The following ARB2A variants were observed in gnomAD, a reference collection of about 807,000 sequenced individuals.
The protein encoded by ARB2A is cotranscriptional regulator ARB2A.
At chr5:93,762,901 A>T in the ARB2A span, among the ~76,000 whole-genome samples, 1 of 152,248 alleles carries the variant, frequency 6.6e-6, no homozygotes, top group African/African-American at 2.4e-5. Context: ...AATATTCAAC[A>T]TTCTTAAAGA....
chr5:93,811,480 T>C, the ARB2A span, among the ~76,000 whole-genome samples: 3 of 152,220 alleles, frequency 2.0e-5, no homozygotes, highest in African/African-American at 7.2e-5. Context: ...TAAATCATCA[T>C]ATAACTCAAC....
chr5:93,968,424 G>C, the ARB2A span, among the ~76,000 whole-genome samples: 1 of 152,104 alleles, frequency 6.6e-6, no homozygotes, highest in Non-Finnish European at 1.5e-5. Context: ...CAAAAATGAA[G>C]ACTGGGTTTA....
At chr5:93,824,895 C>T in the ARB2A span, among the ~76,000 whole-genome samples, 2 of 152,166 alleles carry the variant, frequency 1.3e-5, no homozygotes, top group African/African-American at 4.8e-5. Flanking sequence ...GTTCTTTGGC[C>T]CTCTAGAAAG....
chr5:94,022,547 TACCTGGTAATAGAC>T, the ARB2A span, among the ~76,000 whole-genome samples: 6 of 152,186 alleles, frequency 3.9e-5, no homozygotes, highest in Non-Finnish European at 8.8e-5. Context: ...GGGCTTTGCA[TACCTGGTAATAGAC>T]ACCAATACTC....
chr5:93,918,585 C>A, the ARB2A span, among the ~76,000 whole-genome samples: 441 of 151,910 alleles, frequency 2.9e-3, 3 homozygotes, highest in African/African-American at 9.9e-3. Flanking sequence ...TCATGCCCAG[C>A]TAATTTTTGT....
the ARB2A span, among the ~76,000 whole-genome samples, chr5:93,808,778 ATAAC>A: frequency 2.0e-5 from 3 of 152,106 alleles, no homozygotes; most frequent in East Asian, 1.9e-4. Flanking sequence ...GGAATAATAA[ATAAC>A]TGAGTGTAAA....
chr5:93,847,745 T>C, the ARB2A span, among the ~76,000 whole-genome samples: 14 of 152,332 alleles, frequency 9.2e-5, no homozygotes, highest in Admixed American at 3.9e-4. Context: ...ACTACTACTA[T>C]GGTTCCCATT....
At chr5:94,099,641 A>C in the ARB2A span, among the ~76,000 whole-genome samples, 4 of 150,610 alleles carry the variant, frequency 2.7e-5, no homozygotes, top group Non-Finnish European at 4.4e-5. Flanking sequence ...AAAAAAAAAA[A>C]AAAAAAAAAA....
the ARB2A span, among the ~76,000 whole-genome samples, chr5:93,838,610 T>A: frequency 6.6e-6 from 1 of 152,180 alleles, no homozygotes; most frequent in African/African-American, 2.4e-5. Context: ...AGGAACAGCA[T>A]TGAATCTGTA....
the ARB2A span, among the ~76,000 whole-genome samples, chr5:93,747,760 C>CA: frequency 6.6e-6 from 1 of 152,136 alleles, no homozygotes; most frequent in Non-Finnish European, 1.5e-5. Context: ...CAGAAAACAT[C>CA]AGGCAGATGA....
At chr5:93,769,657 C>A in the ARB2A span, among the ~76,000 whole-genome samples, 4 of 152,140 alleles carry the variant, frequency 2.6e-5, no homozygotes, top group South Asian at 4.1e-4. Context: ...AAAGGAAGAA[C>A]CTTTTCACTA....
the ARB2A span, among the ~76,000 whole-genome samples, chr5:93,719,596 C>A: frequency 6.6e-6 from 1 of 152,206 alleles, no homozygotes; most frequent in Non-Finnish European, 1.5e-5. Context: ...ATCTTCCATG[C>A]ACTTTTTCAC....
chr5:93,735,348 G>A, the ARB2A span: 1 of 152,228 alleles, frequency 6.6e-6, no homozygotes, highest in Non-Finnish European at 1.5e-5. Flanking sequence ...GACACATAGA[G>A]GCTTTGCCTA....
the ARB2A span, chr5:93,824,357 C>A: frequency 3.7e-6 from 3 of 810,848 alleles, no homozygotes; most frequent in Non-Finnish European, 3.6e-6. Context: ...GCATACACAG[C>A]ATATGAAATA....
the ARB2A span, chr5:93,734,533 C>T: frequency 6.6e-6 from 1 of 152,092 alleles, no homozygotes; most frequent in Non-Finnish European, 1.5e-5. Flanking sequence ...TCTAAAGGGG[C>T]TCAGCATCTT....
chr5:93,922,893 C>T, the ARB2A span, among the ~76,000 whole-genome samples: 8 of 151,960 alleles, frequency 5.3e-5, no homozygotes, highest in Non-Finnish European at 7.4e-5. Flanking sequence ...TGAAATTAAA[C>T]CAAATGGTAG....
chr5:93,866,614 CGGTTTTGTATATGCA>C, the ARB2A span, among the ~76,000 whole-genome samples: 2 of 151,976 alleles, frequency 1.3e-5, no homozygotes, highest in South Asian at 4.2e-4. Flanking sequence ...CTGTATATGC[CGGTTTTGTATATGCA>C]GGTTTTGCAT....
the ARB2A span, among the ~76,000 whole-genome samples, chr5:93,977,151 A>G: frequency 6.6e-6 from 1 of 152,322 alleles, no homozygotes; most frequent in East Asian, 1.9e-4. Flanking sequence ...GGAGGAATCA[A>G]TATCATTAAA....
the ARB2A span, among the ~76,000 whole-genome samples, chr5:93,795,447 C>T: frequency 1.3e-5 from 2 of 152,088 alleles, no homozygotes; most frequent in African/African-American, 4.8e-5. Context: ...AGCAGTGATC[C>T]AGTTCCTTCA....
Sources: gnomAD v4.1 joint callset for allele counts (sites outside exome capture counted in the v4.1 genomes callset) on GRCh38, gnomAD v4.1.1 for gene constraint, MANE v1.5 for transcripts, NCBI Gene and HGNC (gene_info 2026-07-23, HGNC 2026-07-21) for gene names.